The following SH3KBP1 variants were observed in gnomAD, a reference collection of about 807,000 sequenced individuals.
SH3KBP1 encodes the protein SH3 domain containing kinase binding protein 1, also known as SH3 domain-containing kinase-binding protein 1.
Under a neutral mutation model 50.1 loss-of-function variants are expected in SH3KBP1, and 8 were observed. The ratio of observed to expected loss-of-function variants is 0.16; its 90% CI spans 0.09 to 0.29. SH3KBP1 has a LOEUF of 0.29. Among genes scored for constraint, SH3KBP1 ranks in the 10% least tolerant of loss-of-function variants. SH3KBP1 has a pLI of 1.00. For missense variants in SH3KBP1, 377 were observed against 535.2 expected (o/e 0.70, Z 2.92); for synonymous variants, 227 against 218.6 (o/e 1.04, Z -0.34).
chrX:19,783,142 T>C (rs779781562), intron 2 of SH3KBP1, among the ~76,000 whole-genome samples: 7 of 111,747 alleles, frequency 6.3e-5, no homozygotes, highest in East Asian at 5.6e-4. Context: ...AAAATGACCA[T>C]TGAGTCTCAC....
chrX:19,688,157 C>A (rs2063207693), intron 5 of SH3KBP1, among the ~76,000 whole-genome samples: 1 of 112,049 alleles, frequency 8.9e-6, no homozygotes, highest in Non-Finnish European at 1.9e-5. Flanking sequence ...CCCCTAGAGA[C>A]CTACATGATA....
At chrX:19,850,372 C>T (rs975616414) in intron 1 of SH3KBP1, among the ~76,000 whole-genome samples, 2 of 110,868 alleles carry the variant, frequency 1.8e-5, no homozygotes, top group Admixed American at 1.9e-4. Flanking sequence ...TTAGTAGAGA[C>T]GGGGTTTTAC....
rs946469710 is a variant in SH3KBP1 at position 19,708,791 on chromosome X, T to C, written c.287-1807A>G. On this transcript the variant is annotated intron_variant, in intron 3 of 17. Transcript: ENST00000397821. ...GGGCTTTCATTTGCTGGATGTTATG[T>C]TAAAAGCAAACTCTGCAGACACAAA... 6.3e-5 allele frequency among the ~76,000 whole-genome samples: 7 copies of C among 111,831 alleles called. No individual in the cohort carries two copies. In the East Asian group the frequency reaches 1.7e-3, roughly 27 times the overall value.
intron 1 of SH3KBP1, among the ~76,000 whole-genome samples, chrX:19,844,060 ACTTT>A (rs2068298066): frequency 9.0e-6 from 1 of 111,479 alleles, no homozygotes; most frequent in Non-Finnish European, 1.9e-5. Flanking sequence ...GCTCGAGCCC[ACTTT>A]CTTTGTGTTT....
At chrX:19,877,829 A>G (rs2147565079) in intron 1 of SH3KBP1, among the ~76,000 whole-genome samples, 1 of 112,425 alleles carries the variant, frequency 8.9e-6, no homozygotes, top group East Asian at 2.8e-4. Flanking sequence ...AAATAACAGT[A>G]TGAACTGAAC....
chrX:19,782,646 A>G (rs2147124474), intron 2 of SH3KBP1, among the ~76,000 whole-genome samples: 1 of 112,174 alleles, frequency 8.9e-6, no homozygotes, highest in African/African-American at 3.2e-5. Flanking sequence ...AATACCAACT[A>G]AAAGAGCACT....
intron 2 of SH3KBP1, among the ~76,000 whole-genome samples, chrX:19,834,969 A>C (rs765181017): frequency 3.4e-4 from 36 of 104,484 alleles, no homozygotes; most frequent in Middle Eastern, 9.6e-3. Context: ...TGGGAGGTGG[A>C]GGTTGCAGTG....
At chrX:19,742,656 A>T (rs996430452) in intron 3 of SH3KBP1, among the ~76,000 whole-genome samples, 1 of 111,259 alleles carries the variant, frequency 9.0e-6, no homozygotes, top group African/African-American at 3.3e-5. Flanking sequence ...ATGCTTTTTT[A>T]AAAAAGTCTC....
At chrX:19,795,103 C>T (rs1312575675) in intron 2 of SH3KBP1, among the ~76,000 whole-genome samples, 2 of 111,534 alleles carry the variant, frequency 1.8e-5, no homozygotes, top group African/African-American at 3.3e-5. Flanking sequence ...TTACGATATT[C>T]GCTCCCTTTC....
chrX:19,797,355 G>A (rs1216590478), intron 2 of SH3KBP1, among the ~76,000 whole-genome samples: 14 of 111,598 alleles, frequency 1.3e-4, no homozygotes, highest in Non-Finnish European at 2.4e-4. Context: ...TCCCAGCAGT[G>A]AGAATTGCAA....
chrX:19,816,922 T>C (rs1213436473), intron 2 of SH3KBP1, among the ~76,000 whole-genome samples: 2 of 112,530 alleles, frequency 1.8e-5, no homozygotes, highest in Non-Finnish European at 3.8e-5. Flanking sequence ...TTTAAATCCA[T>C]GATCCGTTTT....
intron 2 of SH3KBP1, among the ~76,000 whole-genome samples, chrX:19,772,154 G>A (rs1212725937): frequency 9.0e-6 from 1 of 111,453 alleles, no homozygotes; most frequent in African/African-American, 3.3e-5. Context: ...AAGTGGAAGA[G>A]GAAAAAGAGA....
intron 2 of SH3KBP1, among the ~76,000 whole-genome samples, chrX:19,806,521 C>T (rs2067052053): frequency 9.0e-6 from 1 of 111,267 alleles, no homozygotes. Flanking sequence ...ATCTCAAAAA[C>T]AAAACAACCC....
At chrX:19,787,328 GCA>G (rs1336859063) in intron 2 of SH3KBP1, among the ~76,000 whole-genome samples, 3 of 112,187 alleles carry the variant, frequency 2.7e-5, no homozygotes, top group African/African-American at 9.7e-5. Flanking sequence ...AGCAGTTTCA[GCA>G]AGGAGAACAT....
At chrX:19,839,691 C>A (rs1301533788) in intron 1 of SH3KBP1, among the ~76,000 whole-genome samples, 1 of 112,534 alleles carries the variant, frequency 8.9e-6, no homozygotes, top group Non-Finnish European at 1.9e-5. Context: ...TAGGTCCTGA[C>A]TGCCTCCACA....
chrX:19,692,980 T>C lies in SH3KBP1; in HGVS notation c.520+2632A>G, dbSNP rs1252957575. 1.1e-4 allele frequency among the ~76,000 whole-genome samples: 12 copies of C among 111,225 alleles called. 1 individual carries two copies. In the Admixed American group the frequency reaches 1.2e-3, roughly 11 times the overall value. Reference sequence around the variant, plus strand: ...CTGGGATTATAGGCATAAGCCACCATGCCTGGCCTGCTACTGGAAATTCTG... The same window carrying C: ...CTGGGATTATAGGCATAAGCCACCACGCCTGGCCTGCTACTGGAAATTCTG... On this transcript the variant is annotated intron_variant, in intron 5 of 17. Coordinates refer to ENST00000397821, the MANE Select transcript of SH3KBP1 (RefSeq NM_031892.3).
At chrX:19,549,619 GT>G (rs2147635520) in intron 14 of SH3KBP1, among the ~76,000 whole-genome samples, 1 of 111,458 alleles carries the variant, frequency 9.0e-6, no homozygotes, top group East Asian at 2.8e-4. Flanking sequence ...GTTTTGTTTT[GT>G]TTACACACCA....
chrX:19,569,916 G>A (rs1025758783), intron 12 of SH3KBP1, among the ~76,000 whole-genome samples: 4 of 111,866 alleles, frequency 3.6e-5, no homozygotes, highest in African/African-American at 1.3e-4. Flanking sequence ...CTTTTGGGGG[G>A]ATGAGTCACA....
intron 2 of SH3KBP1, among the ~76,000 whole-genome samples, chrX:19,768,729 AAG>A (rs1243090194): frequency 3.4e-4 from 37 of 109,350 alleles, no homozygotes; most frequent in African/African-American, 1.2e-3. Context: ...AAAATTTTCC[AAG>A]ACTGACCCCC....
Sources: allele counts gnomAD v4.1 joint callset (sites outside exome capture counted in the v4.1 genomes callset), GRCh38; gene constraint gnomAD v4.1.1; transcripts MANE v1.5; gene names NCBI Gene and HGNC (gene_info 2026-07-23, HGNC 2026-07-21).